The following EXD2 variants were observed in gnomAD, a reference collection of about 807,000 sequenced individuals.
EXD2 encodes the protein exonuclease 3'-5' domain containing 2, also known as exonuclease 3'-5' domain-containing protein 2.
Under a neutral mutation model 62.5 loss-of-function variants are expected in EXD2, and 40 were observed. The ratio of observed to expected loss-of-function variants is 0.64; its 90% CI spans 0.50 to 0.83. The LOEUF (loss-of-function observed/expected upper bound fraction) is 0.83. Among genes scored for constraint, EXD2 ranks in the 40% least tolerant of loss-of-function variants. The pLI is 0.00. For synonymous variants in EXD2, 239 were observed against 291.9 expected, an observed-to-expected ratio of 0.82 and a Z score of 1.85; for missense variants, 671 against 761.8, an observed-to-expected ratio of 0.88 and a Z score of 1.40.
chr14:69,235,774 G>A, intron 6 of EXD2: 1 of 454,042 alleles, frequency 2.2e-6, no homozygotes, highest in African/African-American at 2.0e-5. Flanking sequence ...TCACAGCAGA[G>A]CTGTGTGTAA....
chr14:69,237,481 G>C, intron 8 of EXD2, 94 bp from the exon 9 acceptor site: 1 of 1,138,694 alleles, frequency 8.8e-7, no homozygotes. Context: ...GTCATGGTTA[G>C]GCCCCAGTTA....
In EXD2 at chr14:69,235,002, A is replaced by G. The variant is rs1481524699; in HGVS notation, c.1020A>G (p.Arg340=). The change falls in exon 6 of 10, where the codon AGA becomes AGG. Residue 340 remains arginine (R), a synonymous_variant. Transcript: ENST00000685843. ...HQGRDPRKHK[R]KPLGVGYSAR... is the part of the protein sequence containing the mutation. ...GGAGAGACCCCAGAAAACATAAAAGAAAGCCTCTGGGGGTGGGCTATTCTG... is the reference window on the plus strand; with the variant it reads ...GGAGAGACCCCAGAAAACATAAAAGGAAGCCTCTGGGGGTGGGCTATTCTG... 6.2e-7 allele frequency: 1 copy of G among 1,604,972 alleles called. No homozygotes were observed. The highest frequency in any genetic ancestry group is 8.5e-7 in the Non-Finnish European group (1 of 1,176,638).
chr14:69,228,241 G>A (rs2043433982), intron 3 of EXD2, among the ~76,000 whole-genome samples: 1 of 140,102 alleles, frequency 7.1e-6, no homozygotes. Flanking sequence ...GTTCAGGCTG[G>A]AGTGCAGTGG....
intron 1 of EXD2, among the ~76,000 whole-genome samples, chr14:69,203,584 G>C (rs764158300): frequency 6.6e-6 from 1 of 152,162 alleles, no homozygotes; most frequent in Non-Finnish European, 1.5e-5. Context: ...AGGGCAATTT[G>C]TAAGCAGGAA....
chr14:69,192,320 A>G lies in EXD2; in HGVS notation c.-132+729A>G, dbSNP rs370801279. 2.6e-5 allele frequency among the ~76,000 whole-genome samples: 4 copies of G among 152,176 alleles called. No individual in the cohort carries two copies. In the East Asian group the frequency reaches 5.8e-4, roughly 22 times the overall value. On this transcript the variant is annotated intron_variant, in intron 1 of 9. Coordinates refer to ENST00000685843, the MANE Select transcript of EXD2 (RefSeq NM_001193360.2). The stretch of plus-strand genomic sequence containing the variant: ...ACTTTATTTTCTTAGTTCTGTTCCA[A>G]GGATAGAAGGAATTGAAAGGTTTTG...
At chr14:69,238,044 G>A (rs2043859518) in intron 9 of EXD2, 113 bp downstream of exon 9, 2 of 868,340 alleles carry the variant, frequency 2.3e-6, no homozygotes, top group Non-Finnish European at 3.6e-6. Context: ...CTAGCCTCAT[G>A]CTTCACCTAG....
chr14:69,241,159 C>A lies in EXD2; in HGVS notation c.*59C>A. On this transcript the variant is annotated 3_prime_UTR_variant, in exon 10 of 10. Transcript: ENST00000685843. Reference sequence around the variant, plus strand: ...AGCTGGAGCCAAGGTTGAAGAGTCACCTCTTCCCATTTTAGTACATCATTA... The same window carrying A: ...AGCTGGAGCCAAGGTTGAAGAGTCAACTCTTCCCATTTTAGTACATCATTA... 1 of 1,408,674 alleles carries A rather than the reference C, an allele frequency of 7.1e-7. No individual in the cohort carries two copies. The highest frequency in any genetic ancestry group is 9.9e-7 in the Non-Finnish European group (1 of 1,014,760). The allele number at this position is 1,408,674 out of a possible 1,614,324, so 87.3% of individuals were successfully genotyped here.
intron 3 of EXD2, 177 bp downstream of exon 3, chr14:69,209,980 G>A (rs1440155921): frequency 7.9e-6 from 4 of 506,730 alleles, no homozygotes; most frequent in Non-Finnish European, 1.4e-5. Flanking sequence ...TCAGGATGGC[G>A]GAGTGCTTAC....
chr14:69,199,116 C>T (rs186323639), intron 1 of EXD2, among the ~76,000 whole-genome samples: 158 of 152,272 alleles, frequency 1.0e-3, no homozygotes, highest in African/African-American at 3.5e-3. Context: ...TGGTGGCACA[C>T]GCCTGTAGCC....
chr14:69,234,579 C>T (rs1472078496), intron 5 of EXD2, 121 bp from the exon 6 acceptor site: 2 of 793,626 alleles, frequency 2.5e-6, no homozygotes, highest in Non-Finnish European at 4.0e-6. Context: ...GTATGGTGCC[C>T]AGGTTGTCGT....
intron 3 of EXD2, among the ~76,000 whole-genome samples, chr14:69,212,699 ATTTTTT>A (rs71102635): frequency 3.5e-5 from 2 of 57,314 alleles, no homozygotes; most frequent in Admixed American, 2.5e-4. Context: ...ATGGTTCTTG[ATTTTTT>A]TTTTTTTTTT....
chr14:69,232,213 A>G, intron 5 of EXD2, among the ~76,000 whole-genome samples: 1 of 152,120 alleles, frequency 6.6e-6, no homozygotes, highest in Non-Finnish European at 1.5e-5. Flanking sequence ...CTTTTGGGCT[A>G]GGGGAGGGAT....
At chr14:69,225,254 A>T (rs2043319183) in intron 3 of EXD2, among the ~76,000 whole-genome samples, 3 of 152,216 alleles carry the variant, frequency 2.0e-5, no homozygotes, top group Non-Finnish European at 4.4e-5. Context: ...GTCCCATGTC[A>T]TTCTTTACTC....
rs1168099810 is a variant in EXD2, at chr14:69,237,739, G to A, written c.1457G>A (p.Gly486Asp). The A allele has an allele frequency of 1.2e-6, 2 of 1,614,040 alleles. No individual in the cohort carries two copies. The highest frequency in any genetic ancestry group is 2.2e-5 in the East Asian group (1 of 44,884). Reference sequence around the variant, plus strand: ...GCCAAGGAGTTCCAGGCCCCCATCGGCTCTGAGGAGGGCTTGCGCCTGCTG... The same window carrying A: ...GCCAAGGAGTTCCAGGCCCCCATCGACTCTGAGGAGGGCTTGCGCCTGCTG... Reference protein sequence around the residue: ...QLAKEFQAPIGSEEGLRLLED... With the variant: ...QLAKEFQAPIDSEEGLRLLED... The change falls in exon 9 of 10, where the codon GGC becomes GAC. Residue 486 changes from glycine to aspartate, a missense_variant. Physicochemically the swap from Gly to Asp is moderately conservative, Grantham distance 94. Transcript: ENST00000685843.
In EXD2 at chr14:69,209,380, T is replaced by C. The variant is rs912340056; in HGVS notation, c.-47-44T>C. ...AGAGGAAAACTTGTTTATGTAAAGG[T>C]TTATATTCTGTATATAAATATATTT... On this transcript the variant is annotated intron_variant, in intron 2 of 9. Transcript: ENST00000685843. 6 of 1,136,882 alleles carry C rather than the reference T, an allele frequency of 5.3e-6. No homozygotes were observed. The Admixed American group carries it at 1.6e-4, about 31-fold the overall frequency. The allele number at this position is 1,136,882 out of a possible 1,614,324, so 70.4% of individuals were successfully genotyped here.
At chr14:69,205,059 T>G (rs2042542139) in intron 2 of EXD2, among the ~76,000 whole-genome samples, 1 of 152,242 alleles carries the variant, frequency 6.6e-6, no homozygotes, top group Non-Finnish European at 1.5e-5. Flanking sequence ...CATTCTTATA[T>G]GAGTCTTTTT....
chr14:69,233,465 C>G (rs185182829), intron 5 of EXD2, among the ~76,000 whole-genome samples: 1 of 151,872 alleles, frequency 6.6e-6, no homozygotes, highest in Non-Finnish European at 1.5e-5. Flanking sequence ...CCCACTCTGT[C>G]GCTCAGGCTG....
At chr14:69,238,007 G>T in intron 9 of EXD2, 76 bp downstream of exon 9, 1 of 1,355,264 alleles carries the variant, frequency 7.4e-7, no homozygotes, top group Non-Finnish European at 1.0e-6. Flanking sequence ...TGCCAGGGAG[G>T]GGGCATTGGC....
intron 2 of EXD2, chr14:69,208,950 CTGAT>C (rs2042712218): frequency 6.6e-6 from 1 of 152,312 alleles, no homozygotes; most frequent in Non-Finnish European, 1.5e-5. Flanking sequence ...TACCAACTGA[CTGAT>C]GATTACAATT....
Sources: allele counts gnomAD v4.1 joint callset (sites outside exome capture counted in the v4.1 genomes callset), GRCh38; gene constraint gnomAD v4.1.1; transcripts MANE v1.5; gene names NCBI Gene and HGNC (gene_info 2026-07-23, HGNC 2026-07-21).